Variants in TMEM178B observed in about 807,000 individuals in gnomAD.
The protein encoded by TMEM178B is transmembrane protein 178B.
TMEM178B carries 5 observed loss-of-function variants against 31.0 expected under a neutral mutation model. The observed-to-expected ratio is 0.16, with a 90% confidence interval of 0.08 to 0.34. The LOEUF (loss-of-function observed/expected upper bound fraction) is 0.34, where lower values mean the gene tolerates loss of function less well. Among genes scored for constraint, TMEM178B ranks in the 10% least tolerant of loss-of-function variants. TMEM178B has a pLI of 1.00. For missense variants in TMEM178B, 275 were observed against 400.3 expected, an observed-to-expected ratio of 0.69 and a Z score of 2.67; for synonymous variants, 164 against 164.0, an observed-to-expected ratio of 1.00 and a Z score of 0.00.
chr7:141,262,450 A>G (rs1287004038), intron 2 of TMEM178B, among the ~76,000 whole-genome samples: 1 of 144,456 alleles, frequency 6.9e-6, no homozygotes, highest in Non-Finnish European at 1.5e-5. Context: ...AACCATTCCA[A>G]TGGAAAGCTT....
chr7:141,336,075 G>A (rs534908117), intron 2 of TMEM178B, among the ~76,000 whole-genome samples: 32 of 152,234 alleles, frequency 2.1e-4, no homozygotes, highest in African/African-American at 3.4e-4. Flanking sequence ...AAGAGTAATC[G>A]TCACTTGCCA....
In TMEM178B at chr7:141,475,463, A is replaced by G. The variant is rs1802346306; in HGVS notation, c.*4677A>G. On this transcript the variant is annotated 3_prime_UTR_variant, in exon 4 of 4. Transcript: ENST00000565468. ...AAATAAGAAAAATAAAATACAAAAA[A>G]GACTACAAGATTTTTCATAATCCAG... 1 of 152,228 alleles carries G rather than the reference A, an allele frequency of 6.6e-6. No individual in the cohort carries two copies. The highest frequency in any genetic ancestry group is 1.9e-4 in the East Asian group (1 of 5,198). The allele number at this position is 152,228 out of a possible 1,614,324, so 9.4% of individuals were successfully genotyped here. A position where few individuals can be genotyped will look rare whatever the true frequency, so the allele number is the denominator to read the frequency against.
the TMEM178B span, among the ~76,000 whole-genome samples, chr7:141,499,567 A>G: frequency 6.6e-6 from 1 of 151,334 alleles, no homozygotes; most frequent in African/African-American, 2.4e-5. Flanking sequence ...TAAGCCTGGG[A>G]GGTCGAGGCT....
chr7:141,235,289 T>C (rs1416488147), intron 2 of TMEM178B, among the ~76,000 whole-genome samples: 2 of 152,190 alleles, frequency 1.3e-5, no homozygotes, highest in African/African-American at 4.8e-5. Flanking sequence ...AAGACTTGCT[T>C]GAAGAATCAT....
At chr7:141,506,522 G>A in the TMEM178B span, among the ~76,000 whole-genome samples, 1 of 152,162 alleles carries the variant, frequency 6.6e-6, no homozygotes, top group Non-Finnish European at 1.5e-5. Context: ...TCACTATCAT[G>A]AGAATAGCAC....
chr7:141,075,934 G>T (rs1029900978), intron 1 of TMEM178B, among the ~76,000 whole-genome samples: 1 of 152,188 alleles, frequency 6.6e-6, no homozygotes, highest in Admixed American at 6.5e-5. Flanking sequence ...AAAGTCAAGT[G>T]TTTAAGAATG....
intron 3 of TMEM178B, among the ~76,000 whole-genome samples, chr7:141,446,731 C>T (rs1353758174): frequency 1.3e-5 from 2 of 152,136 alleles, no homozygotes; most frequent in East Asian, 1.9e-4. Context: ...TCAATTTTCT[C>T]ATCTATAAAA....
chr7:141,351,846 GT>G (rs1358702678), intron 2 of TMEM178B: 2 of 152,218 alleles, frequency 1.3e-5, no homozygotes, highest in Non-Finnish European at 2.9e-5. Context: ...GAAGTGGTAT[GT>G]CCCACCTTCA....
chr7:141,397,103 A>G (rs1361472947), intron 2 of TMEM178B, among the ~76,000 whole-genome samples: 1 of 152,126 alleles, frequency 6.6e-6, no homozygotes, highest in African/African-American at 2.4e-5. Context: ...ACGTTCATTG[A>G]AGGTTGAGGG....
At chr7:141,320,716 A>G (rs1367464546) in intron 2 of TMEM178B, among the ~76,000 whole-genome samples, 2 of 152,200 alleles carry the variant, frequency 1.3e-5, no homozygotes, top group South Asian at 2.1e-4. Context: ...ATTGCCTTGT[A>G]TTTAATCACC....
At chr7:141,497,997 T>C in the TMEM178B span, among the ~76,000 whole-genome samples, 1 of 152,162 alleles carries the variant, frequency 6.6e-6, no homozygotes, top group African/African-American at 2.4e-5. Context: ...CAAGTTTTCT[T>C]ACCTGTGAAA....
chr7:141,381,085 G>T (rs553299279), intron 2 of TMEM178B, among the ~76,000 whole-genome samples: 5 of 152,288 alleles, frequency 3.3e-5, no homozygotes, highest in African/African-American at 1.2e-4. Context: ...TCATAATACT[G>T]CAGAGGAGTG....
chr7:141,227,982 A>G (rs921658399), intron 2 of TMEM178B, among the ~76,000 whole-genome samples: 2 of 151,782 alleles, frequency 1.3e-5, no homozygotes, highest in African/African-American at 4.8e-5. Flanking sequence ...GGGAAGAATT[A>G]ACTATATTTT....
chr7:141,107,420 T>C (rs1795164489), intron 1 of TMEM178B, among the ~76,000 whole-genome samples: 1 of 152,078 alleles, frequency 6.6e-6, no homozygotes, highest in South Asian at 2.1e-4. Flanking sequence ...GCGTTTACAA[T>C]GTAGGCATGG....
intron 3 of TMEM178B, 147 bp downstream of exon 3, chr7:141,437,892 TG>T: frequency 8.3e-7 from 1 of 1,209,858 alleles, no homozygotes; most frequent in East Asian, 2.6e-5. Flanking sequence ...AAGCACTTCT[TG>T]AGTTGCTTTT....
chr7:141,282,680 C>T (rs1393694729), intron 2 of TMEM178B, among the ~76,000 whole-genome samples: 2 of 152,144 alleles, frequency 1.3e-5, no homozygotes, highest in Non-Finnish European at 2.9e-5. Context: ...TAGTATGAGT[C>T]CCTGGAGAGG....
intron 2 of TMEM178B, among the ~76,000 whole-genome samples, chr7:141,310,134 T>C (rs1258969847): frequency 2.0e-5 from 3 of 152,172 alleles, no homozygotes; most frequent in Non-Finnish European, 4.4e-5. Flanking sequence ...GAAACTATTA[T>C]CAGAGTGAAG....
At chr7:141,299,690 T>C (rs1419648018) in intron 2 of TMEM178B, among the ~76,000 whole-genome samples, 1 of 152,200 alleles carries the variant, frequency 6.6e-6, no homozygotes, top group Non-Finnish European at 1.5e-5. Flanking sequence ...AATGAAGGTG[T>C]CCTCTCTTCT....
rs10600930 is a variant in TMEM178B at position 141,126,856 on chromosome 7, A to AGTGTGTGT, written c.382+52193_382+52200dup. 1.5e-3 allele frequency among the ~76,000 whole-genome samples: 219 copies of AGTGTGTGT among 145,682 alleles called. 2 individuals are homozygous for AGTGTGTGT. Among genetic ancestry groups the AGTGTGTGT allele is most frequent in the African/African-American group, 3.6e-3 (142 of 39,716 alleles). On this transcript the variant is annotated intron_variant, in intron 1 of 3. Transcript: ENST00000565468. ...CATCTCCTCTTTGGTATCTTCTCAAAGTGTGTGTGTGTGTGTGTGTGTGTG... is the reference window on the plus strand; with the variant it reads ...CATCTCCTCTTTGGTATCTTCTCAAAGTGTGTGTGTGTGTGTGTGTGTGTGTGTGTGTG...
Sources: gnomAD v4.1 joint callset for allele counts (sites outside exome capture counted in the v4.1 genomes callset) on GRCh38, gnomAD v4.1.1 for gene constraint, MANE v1.5 for transcripts, NCBI Gene and HGNC (gene_info 2026-07-23, HGNC 2026-07-21) for gene names.